The following SLC12A3 variants were observed in gnomAD, a reference collection of about 807,000 sequenced individuals.
SLC12A3 encodes Na-Cl cotransporter.
A neutral mutation model predicts 121.0 loss-of-function variants in SLC12A3; 104 were observed. That is an observed-to-expected ratio of 0.86 (90% CI 0.73 to 1.01). The LOEUF (loss-of-function observed/expected upper bound fraction) is 1.01. Ranked by LOEUF, SLC12A3 falls within the 50% of genes least tolerant of loss-of-function variation. The pLI is 0.00. For missense variants in SLC12A3, 1,328 were observed against 1,356.3 expected, an observed-to-expected ratio of 0.98 and a Z score of 0.33; for synonymous variants, 536 against 533.4, an observed-to-expected ratio of 1.00 and a Z score of -0.07.
intron 25 of SLC12A3, chr16:56,906,753 A>G (rs1165015181): frequency 4.1e-6 from 3 of 727,116 alleles, no homozygotes; most frequent in South Asian, 3.3e-5. Context: ...TAGCTTTGGC[A>G]TGATTTATGA....
At chr16:56,899,705 C>A in intron 23 of SLC12A3, 89 bp downstream of exon 23, 2 of 935,784 alleles carry the variant, frequency 2.1e-6, no homozygotes, top group Non-Finnish European at 3.5e-6. Flanking sequence ...CCTTGGTAGA[C>A]TAGGAGCAAG....
rs1325258118 is a variant in SLC12A3, at chr16:56,892,010, C to G, written c.2369-73C>G. On this transcript the variant is annotated intron_variant, in intron 19 of 25. Coordinates refer to ENST00000563236, the MANE Select transcript of SLC12A3 (RefSeq NM_001126108.2). ...GACTTTCTTCCTAGCATTAAGGGAG[C>G]CCTGTCAAGGAGGAACCCACGGTGC... The G allele has an allele frequency of 2.7e-6, 3 of 1,108,838 alleles. No individual in the cohort carries two copies. In the Admixed American group the frequency reaches 5.1e-5, roughly 19 times the overall value. The allele number at this position is 1,108,838 out of a possible 1,614,324, so 68.7% of individuals were successfully genotyped here.
Position 56,868,347 on chromosome 16 carries a change from C to T in SLC12A3, c.480C>T (p.Pro160=). 5 of 1,613,708 alleles carry T rather than the reference C, an allele frequency of 3.1e-6. No homozygotes were observed. In the African/African-American group the frequency reaches 5.3e-5, roughly 17 times the overall value. The change falls in exon 3 of 26, where the codon CCC becomes CCT. Residue 160 remains proline, a synonymous_variant. Coordinates refer to ENST00000563236, the MANE Select transcript of SLC12A3 (RefSeq NM_001126108.2). ...GCGTGATCCTCTACCTGCGGCTGCC[C>T]TGGATTACGGCCCAGGCAGGCATCG... ...IWGVILYLRL[P]WITAQAGIVL...
At position 56,869,927 on chromosome 16, in the gene SLC12A3, T is replaced by C. The variant is rs571946224; in HGVS notation, c.601+103T>C. On this transcript the variant is annotated intron_variant, in intron 4 of 25. Transcript: ENST00000563236. Reference sequence around the variant, plus strand: ...ACCCAATGGTACACCCAGCCGCTCCTGTGGTTCCGGGAGAGGGCTCTAGGC... The same window carrying C: ...ACCCAATGGTACACCCAGCCGCTCCCGTGGTTCCGGGAGAGGGCTCTAGGC... 3.3e-5 allele frequency: 46 copies of C among 1,374,594 alleles called. No homozygotes were observed. The African/African-American group carries it at 4.4e-4, about 13-fold the overall frequency. The allele number at this position is 1,374,594 out of a possible 1,614,324, so 85.1% of individuals were successfully genotyped here. A position where few individuals can be genotyped will look rare whatever the true frequency, so the allele number is the denominator to read the frequency against.
At chr16:56,877,090 A>G (rs1261370932) in intron 8 of SLC12A3, among the ~76,000 whole-genome samples, 1 of 152,214 alleles carries the variant, frequency 6.6e-6, no homozygotes. Flanking sequence ...GCTTGTGATC[A>G]CTGTTAAGAA....
intron 6 of SLC12A3, 117 bp downstream of exon 6, chr16:56,870,853 T>TG (rs2055086587): frequency 6.4e-6 from 4 of 626,146 alleles, no homozygotes; most frequent in Non-Finnish European, 1.1e-5. Context: ...TTTTTTTTTT[T>TG]GAGACAGAAT....
chr16:56,909,384 T>A (rs2055653106), intron 25 of SLC12A3, among the ~76,000 whole-genome samples: 1 of 150,440 alleles, frequency 6.6e-6, no homozygotes, highest in Non-Finnish European at 1.5e-5. Flanking sequence ...TCCCGGGAGG[T>A]GACCACCTGT....
rs2055728215 is a variant in SLC12A3 at position 56,914,432 on chromosome 16, A to G, written c.*1027A>G. 1 of 152,240 alleles carries G rather than the reference A, an allele frequency of 6.6e-6. No homozygotes were observed. Among genetic ancestry groups the G allele is most frequent in the African/African-American group, 2.4e-5 (1 of 41,462 alleles). 9.4% of individuals were successfully genotyped at this position (152,240 alleles called of 1,614,324 possible). On this transcript the variant is annotated 3_prime_UTR_variant, in exon 26 of 26. Coordinates refer to ENST00000563236, the MANE Select transcript of SLC12A3 (RefSeq NM_001126108.2). Reference sequence around the variant, plus strand: ...CCTTCCCTGGGGGACGTCCTCCAGTATGTTCTGTTCTGTTTATTTTTCACT... The same window carrying G: ...CCTTCCCTGGGGGACGTCCTCCAGTGTGTTCTGTTCTGTTTATTTTTCACT...
At chr16:56,902,963 T>A (rs750736996) in intron 24 of SLC12A3, among the ~76,000 whole-genome samples, 21 of 152,106 alleles carry the variant, frequency 1.4e-4, no homozygotes, top group Middle Eastern at 3.4e-3. Context: ...CTGACCAACA[T>A]GGTGAGACCC....
chr16:56,908,079 A>G (rs2055630981), intron 25 of SLC12A3, among the ~76,000 whole-genome samples: 1 of 147,210 alleles, frequency 6.8e-6, no homozygotes, highest in East Asian at 2.0e-4. Context: ...AGTATTCCTC[A>G]TGCCCCGATG....
At chr16:56,888,275 T>C (rs1275348033) in intron 18 of SLC12A3, among the ~76,000 whole-genome samples, 2 of 152,162 alleles carry the variant, frequency 1.3e-5, no homozygotes, top group East Asian at 3.8e-4. Context: ...CAAGACCCCA[T>C]CTTTGAAAAA....
intron 22 of SLC12A3, among the ~76,000 whole-genome samples, chr16:56,895,089 G>A (rs1268264382): frequency 1.1e-4 from 16 of 151,386 alleles, no homozygotes; most frequent in Non-Finnish European, 2.9e-5. Context: ...AATGAAGGAT[G>A]GGCTGGGCCA....
chr16:56,869,165 A>G (rs1490508835), intron 3 of SLC12A3, among the ~76,000 whole-genome samples: 2 of 152,138 alleles, frequency 1.3e-5, no homozygotes, highest in African/African-American at 2.4e-5. Flanking sequence ...GGATGCAAGT[A>G]AAAACACAGC....
At chr16:56,870,791 G>T (rs569666210) in intron 6 of SLC12A3, 55 bp downstream of exon 6, 2 of 1,107,922 alleles carry the variant, frequency 1.8e-6, no homozygotes, top group Non-Finnish European at 2.8e-6. Flanking sequence ...AGAAGCGGGG[G>T]TTGCCAGGCC....
intron 3 of SLC12A3, 148 bp from the exon 4 acceptor site, chr16:56,869,581 C>A: frequency 1.4e-6 from 1 of 715,256 alleles, no homozygotes. Context: ...CCGCCTCGGC[C>A]TCCCAAAGTG....
intron 25 of SLC12A3, among the ~76,000 whole-genome samples, chr16:56,911,304 AC>A (rs201354897): frequency 0.014 from 1,766 of 128,050 alleles, 50 homozygotes; most frequent in Admixed American, 0.078. Context: ...AATTTTTGAG[AC>A]CTTTTGTTTG....
Position 56,886,494 on chromosome 16 carries a change from G to A in SLC12A3, c.2037+19G>A. The A allele has an allele frequency of 1.3e-6, 2 of 1,596,232 alleles. No homozygotes were observed. Among genetic ancestry groups the A allele is most frequent in the South Asian group, 1.1e-5 (1 of 90,740 alleles). On this transcript the variant is annotated intron_variant, in intron 16 of 25. Transcript: ENST00000563236. Reference sequence around the variant, plus strand: ...GCTCATCGTGAGTGGCCCCTGGAGGGGCACAGGGGACCAGGCATGGTGGCT... The same window carrying A: ...GCTCATCGTGAGTGGCCCCTGGAGGAGCACAGGGGACCAGGCATGGTGGCT...
chr16:56,887,771 A>ATTTT (rs202020577), intron 17 of SLC12A3, among the ~76,000 whole-genome samples, 154 bp from the exon 18 acceptor site: 4 of 65,252 alleles, frequency 6.1e-5, no homozygotes, highest in Non-Finnish European at 1.0e-4. Flanking sequence ...AATTTTTAAG[A>ATTTT]TTATATATAT....
intron 23 of SLC12A3, among the ~76,000 whole-genome samples, chr16:56,901,545 G>A (rs950767827): frequency 6.6e-6 from 1 of 152,100 alleles, no homozygotes; most frequent in East Asian, 1.9e-4. Flanking sequence ...TCGTCAGGTT[G>A]GCCAGGCTGG....
Sources: gnomAD v4.1 joint callset for allele counts (sites outside exome capture counted in the v4.1 genomes callset) on GRCh38, gnomAD v4.1.1 for gene constraint, MANE v1.5 for transcripts, NCBI Gene and HGNC (gene_info 2026-07-23, HGNC 2026-07-21) for gene names.